RNF212B: variants seen among roughly 807,000 people sequenced by gnomAD.
The protein encoded by RNF212B is ring finger protein 212B.
RNF212B carries 52 observed loss-of-function variants against 55.5 expected under a neutral mutation model. That is an observed-to-expected ratio of 0.94 (90% CI 0.75 to 1.18). The LOEUF (loss-of-function observed/expected upper bound fraction) is 1.18. Among genes scored for constraint, RNF212B ranks in the 50% most tolerant of loss-of-function variants. The probability of loss-of-function intolerance (pLI) is 0.00; values close to 1 mark genes in which losing one functional copy is unlikely to be tolerated. For synonymous variants in RNF212B, 99 were observed against 121.4 expected, an observed-to-expected ratio of 0.82 and a Z score of 1.21; for missense variants, 289 against 350.4, an observed-to-expected ratio of 0.82 and a Z score of 1.40.
Position 23,190,062 on chromosome 14 carries a change from T to C in RNF212B, c.-78-3263T>C, listed in dbSNP as rs1160776823. Among the ~76,000 whole-genome samples the C allele has an allele frequency of 2.0e-5, 3 of 152,104 alleles. No individual in the cohort carries two copies. The East Asian group carries it at 5.8e-4, about 29-fold the overall frequency. The stretch of plus-strand genomic sequence containing the variant: ...TTATCTTATTGATCTTACGGCAGCA[T>C]GTGGCCAGCTAATGGCTCTGGAGCA... On this transcript the variant is annotated intron_variant, in intron 1 of 15. Coordinates refer to the RNF212B transcript ENST00000399910.
intron 2 of RNF212B, among the ~76,000 whole-genome samples, chr14:23,205,315 C>T (rs1264819273): frequency 2.8e-5 from 4 of 144,556 alleles, no homozygotes; most frequent in African/African-American, 5.0e-5. Flanking sequence ...AAAGGACACC[C>T]TTTTTTTTTT....
chr14:23,210,548 C>T (rs1309615685), intron 2 of RNF212B, among the ~76,000 whole-genome samples: 7 of 151,816 alleles, frequency 4.6e-5, no homozygotes, highest in Admixed American at 6.6e-5. Context: ...GAGGCTGAGG[C>T]GGGTGGATCA....
chr14:23,251,749 G>A (rs536275250), intron 4 of RNF212B, among the ~76,000 whole-genome samples: 5 of 151,298 alleles, frequency 3.3e-5, no homozygotes, highest in African/African-American at 1.2e-4. Context: ...CTGGGAGGTG[G>A]AGGTTGCAGT....
In RNF212B at chr14:23,197,156, T is replaced by C. The variant is rs139123561; in HGVS notation, c.-2+3755T>C. ...GGTATCCCTAGCCCAGGAGAAAGATTTGGGCTAAAAAATCATATTTAAGTG... is the reference window on the plus strand; with the variant it reads ...GGTATCCCTAGCCCAGGAGAAAGATCTGGGCTAAAAAATCATATTTAAGTG... On this transcript the variant is annotated intron_variant, in intron 2 of 15. Coordinates refer to the RNF212B transcript ENST00000399910. Among the ~76,000 whole-genome samples, 208 of 152,312 alleles carry C rather than the reference T, an allele frequency of 1.4e-3. 1 individual carries two copies. The highest frequency in any genetic ancestry group is 6.8e-3 in the Middle Eastern group (2 of 294).
chr14:23,253,347 T>C (rs931036468), intron 4 of RNF212B, among the ~76,000 whole-genome samples: 5 of 152,226 alleles, frequency 3.3e-5, no homozygotes, highest in African/African-American at 1.2e-4. Context: ...TCTTTTACAC[T>C]ATAAGTTTTC....
chr14:23,194,650 G>T (rs979721430), intron 2 of RNF212B, among the ~76,000 whole-genome samples: 1 of 144,948 alleles, frequency 6.9e-6, no homozygotes, highest in Admixed American at 7.4e-5. Flanking sequence ...CATGAGAATC[G>T]CATGAGCCCG....
chr14:23,231,945 A>C, intron 2 of RNF212B, among the ~76,000 whole-genome samples: 1 of 108,120 alleles, frequency 9.2e-6, no homozygotes, highest in South Asian at 2.6e-4. Flanking sequence ...CTCAGTGCTC[A>C]ATGTTGTTGC....
rs1466830104 is a variant in RNF212B at position 23,197,292 on chromosome 14, T to C, written c.-2+3891T>C. Among the ~76,000 whole-genome samples the C allele has an allele frequency of 3.3e-5, 5 of 152,196 alleles. No homozygotes were observed. The South Asian group carries it at 1.0e-3, about 31-fold the overall frequency. ...CTGTAAGCCCGGCACTTTGGGAGGC[T>C]GAGGCAGGTGGATTTCATGAGGCCA... On this transcript the variant is annotated intron_variant, in intron 2 of 15. Coordinates refer to the RNF212B transcript ENST00000399910.
intron 1 of RNF212B, among the ~76,000 whole-genome samples, chr14:23,239,974 G>C (rs1883437692): frequency 6.8e-6 from 1 of 146,592 alleles, no homozygotes; most frequent in Non-Finnish European, 1.5e-5. Context: ...AAAACCTGGG[G>C]GAAAAAAAAG....
intron 1 of RNF212B, among the ~76,000 whole-genome samples, chr14:23,240,108 C>T (rs1321141880): frequency 6.6e-6 from 1 of 150,768 alleles, no homozygotes; most frequent in African/African-American, 2.4e-5. Context: ...TATATATACA[C>T]ACACACACAT....
At chr14:23,195,688 T>C (rs1168330514) in intron 2 of RNF212B, among the ~76,000 whole-genome samples, 2 of 152,130 alleles carry the variant, frequency 1.3e-5, no homozygotes, top group Admixed American at 1.3e-4. Flanking sequence ...TACTCCTCAG[T>C]AGAGATGGGT....
intron 2 of RNF212B, among the ~76,000 whole-genome samples, chr14:23,229,261 T>TATACACAC (rs558232357): frequency 1.6e-5 from 2 of 127,182 alleles, no homozygotes; most frequent in Admixed American, 7.8e-5. Context: ...TATATATATA[T>TATACACAC]ACCACATTGT....
intron 9 of RNF212B, 64 bp from the exon 10 acceptor site, chr14:23,264,110 A>T: frequency 1.5e-6 from 2 of 1,355,124 alleles, no homozygotes; most frequent in South Asian, 2.6e-5. Flanking sequence ...ACAAAAAAAC[A>T]ACAACAATAA....
chr14:23,240,832 A>AT (rs932571850), intron 2 of RNF212B, among the ~76,000 whole-genome samples: 69 of 152,306 alleles, frequency 4.5e-4, no homozygotes, highest in African/African-American at 1.4e-3. Context: ...TGTGACATCA[A>AT]TTTGATTAGA....
intron 3 of RNF212B, among the ~76,000 whole-genome samples, chr14:23,243,664 C>G (rs971045661): frequency 2.8e-5 from 4 of 141,144 alleles, no homozygotes; most frequent in African/African-American, 1.1e-4. Context: ...CCACTGCACT[C>G]CAGCTTGGGC....
intron 4 of RNF212B, among the ~76,000 whole-genome samples, chr14:23,253,031 A>G (rs1884529868): frequency 2.0e-5 from 3 of 152,154 alleles, no homozygotes; most frequent in African/African-American, 7.2e-5. Flanking sequence ...CACTTCAACA[A>G]TTATCAGTGA....
intron 2 of RNF212B, among the ~76,000 whole-genome samples, chr14:23,197,098 A>G (rs889764606): frequency 1.3e-5 from 2 of 152,336 alleles, no homozygotes; most frequent in Middle Eastern, 3.4e-3. Context: ...TAGGACATGT[A>G]TGTGGTAACA....
intron 2 of RNF212B, among the ~76,000 whole-genome samples, chr14:23,226,925 G>A (rs904494893): frequency 1.3e-5 from 2 of 150,730 alleles, no homozygotes; most frequent in African/African-American, 2.4e-5. Context: ...TTACAGACAT[G>A]AGCCATCACA....
At chr14:23,233,168 C>T (rs1882839915), upstream of RNF212B, among the ~76,000 whole-genome samples, 1 of 152,094 alleles carries the variant, frequency 6.6e-6, no homozygotes. Flanking sequence ...GGATTAAGGG[C>T]GGTGCAAGAT....
Sources: allele counts gnomAD v4.1 joint callset (sites outside exome capture counted in the v4.1 genomes callset), GRCh38; gene constraint gnomAD v4.1.1; transcripts MANE v1.5; gene names NCBI Gene and HGNC (gene_info 2026-07-23, HGNC 2026-07-21).